Variants in KIF6 observed in about 807,000 individuals in gnomAD.
The protein encoded by KIF6 is kinesin family member 6, also known as kinesin-like protein KIF6.
A neutral mutation model predicts 112.7 loss-of-function variants in KIF6; 106 were observed. That is an observed-to-expected ratio of 0.94 (90% CI 0.80 to 1.11). KIF6 has a LOEUF of 1.11. KIF6 is among the 50% of genes least tolerant of loss of function. The pLI is 0.00. For missense variants in KIF6, 929 were observed against 964.0 expected, an observed-to-expected ratio of 0.96 and a Z score of 0.48; for synonymous variants, 339 against 339.9, an observed-to-expected ratio of 1.00 and a Z score of 0.03.
chr6:39,621,782 A>G (rs1305206832), intron 5 of KIF6, among the ~76,000 whole-genome samples: 2 of 152,194 alleles, frequency 1.3e-5, no homozygotes, highest in African/African-American at 4.8e-5. Flanking sequence ...TATTATTTTA[A>G]TAACACTGAA....
rs1780508994 is a variant in KIF6, at chr6:39,569,186, A to G, written c.1181+8870T>C. ...CCACTTTGGAGGCCAGTGACAATAAACTGAATATAAAAAGGATAAAGCACT... is the reference window on the plus strand; with the variant it reads ...CCACTTTGGAGGCCAGTGACAATAAGCTGAATATAAAAAGGATAAAGCACT... On this transcript the variant is annotated intron_variant, in intron 10 of 22. Coordinates refer to ENST00000287152, the MANE Select transcript of KIF6 (RefSeq NM_145027.6). Among the ~76,000 whole-genome samples, 3 of 152,192 alleles carry G rather than the reference A, an allele frequency of 2.0e-5. No individual in the cohort carries two copies. The South Asian group carries it at 6.2e-4, about 31-fold the overall frequency.
intron 3 of KIF6, among the ~76,000 whole-genome samples, chr6:39,697,898 G>A (rs1245673725): frequency 6.6e-6 from 1 of 152,096 alleles, no homozygotes; most frequent in Non-Finnish European, 1.5e-5. Flanking sequence ...GCATATTAAG[G>A]ATAAAACAGA....
At chr6:39,687,900 C>A (rs1787967585) in intron 3 of KIF6, among the ~76,000 whole-genome samples, 1 of 151,984 alleles carries the variant, frequency 6.6e-6, no homozygotes, top group African/African-American at 2.4e-5. Flanking sequence ...CAACAAGGAC[C>A]CCAATAGGAA....
chr6:39,486,386 G>A (rs1287189226), intron 13 of KIF6, among the ~76,000 whole-genome samples: 1 of 152,118 alleles, frequency 6.6e-6, no homozygotes, highest in African/African-American at 2.4e-5. Context: ...CCGTCATGTG[G>A]ATGGGCCATC....
At chr6:39,483,253 C>T (rs1774913884) in intron 13 of KIF6, among the ~76,000 whole-genome samples, 1 of 152,120 alleles carries the variant, frequency 6.6e-6, no homozygotes, top group South Asian at 2.1e-4. Flanking sequence ...AAGTAGGGCA[C>T]TATTTGTTAT....
chr6:39,497,743 T>C (rs536231258), intron 13 of KIF6, among the ~76,000 whole-genome samples: 1 of 152,312 alleles, frequency 6.6e-6, no homozygotes, highest in African/African-American at 2.4e-5. Context: ...CACGAAGTAC[T>C]CAAGCTTCCT....
At chr6:39,361,043 C>T (rs1388366686) in intron 17 of KIF6, among the ~76,000 whole-genome samples, 4 of 152,176 alleles carry the variant, frequency 2.6e-5, no homozygotes, top group African/African-American at 4.8e-5. Context: ...TTAACTGCCT[C>T]ACCATTCCGC....
chr6:39,645,293 G>A (rs1785103323), intron 3 of KIF6, among the ~76,000 whole-genome samples: 1 of 151,988 alleles, frequency 6.6e-6, no homozygotes, highest in East Asian at 1.9e-4. Context: ...ATAAACTGAA[G>A]TGTCACTCCA....
chr6:39,411,993 C>T (rs1769511922), intron 15 of KIF6, among the ~76,000 whole-genome samples: 1 of 152,192 alleles, frequency 6.6e-6, no homozygotes, highest in African/African-American at 2.4e-5. Flanking sequence ...TTCCTCTGTT[C>T]TCCTAGCCAG....
chr6:39,723,656 A>C (rs550672564), intron 1 of KIF6, among the ~76,000 whole-genome samples: 3 of 152,344 alleles, frequency 2.0e-5, no homozygotes, highest in African/African-American at 7.2e-5. Context: ...AGAAAGCCAA[A>C]CACCACATGT....
intron 3 of KIF6, among the ~76,000 whole-genome samples, chr6:39,640,246 C>T (rs1784835514): frequency 6.6e-6 from 1 of 151,960 alleles, no homozygotes; most frequent in African/African-American, 2.4e-5. Context: ...TCTAGGAATT[C>T]CCCTCTTCTC....
intron 10 of KIF6, among the ~76,000 whole-genome samples, chr6:39,557,118 A>C (rs115060100): frequency 1.1e-3 from 174 of 152,202 alleles, no homozygotes; most frequent in African/African-American, 4.2e-3. Flanking sequence ...AAATTAACGG[A>C]AAACTTGTAA....
chr6:39,718,735 T>C (rs1367019306), intron 2 of KIF6, among the ~76,000 whole-genome samples: 3 of 136,790 alleles, frequency 2.2e-5, no homozygotes, highest in Admixed American at 1.5e-4. Context: ...GAACCTGTCT[T>C]AGAAAAAAAA....
intron 22 of KIF6, among the ~76,000 whole-genome samples, chr6:39,341,402 G>C (rs1763320338): frequency 6.6e-6 from 1 of 152,050 alleles, no homozygotes; most frequent in Admixed American, 6.6e-5. Context: ...TTCGCACCCT[G>C]GCAGTGCCTT....
At chr6:39,465,600 C>T (rs1181322583) in intron 13 of KIF6, among the ~76,000 whole-genome samples, 1 of 152,190 alleles carries the variant, frequency 6.6e-6, no homozygotes, top group Non-Finnish European at 1.5e-5. Context: ...TTCCTATGCA[C>T]ATCAGAAACA....
intron 13 of KIF6, among the ~76,000 whole-genome samples, chr6:39,526,359 C>CT (rs59106657): frequency 0.046 from 7,001 of 152,188 alleles, 343 homozygotes; most frequent in East Asian, 0.27. Flanking sequence ...GAATGGAATA[C>CT]TTTTTTGCAG....
intron 15 of KIF6, among the ~76,000 whole-genome samples, chr6:39,386,846 A>G (rs1767471297): frequency 6.6e-6 from 1 of 152,200 alleles, no homozygotes; most frequent in Non-Finnish European, 1.5e-5. Flanking sequence ...GGCATGTCCC[A>G]TTTGGGGGAT....
At chr6:39,427,888 C>G (rs1770881880) in intron 14 of KIF6, among the ~76,000 whole-genome samples, 1 of 152,168 alleles carries the variant, frequency 6.6e-6, no homozygotes, top group South Asian at 2.1e-4. Context: ...GACCCAAATC[C>G]CTGCTGAAAA....
chr6:39,540,146 C>A lies in KIF6; in HGVS notation c.1502G>T (p.Arg501Leu). ...TGGGCTCTGGGACTGTCTGAATTCA[C>A]GTCTATCCATGCCAGCCAAGTGGAG... Reference protein sequence around the residue: ...EALHLAGMDRREFRQSQSPPF... With the variant: ...EALHLAGMDRLEFRQSQSPPF... Residue 501 changes from arginine (R) to leucine (L), a missense_variant, in exon 13 of 23, where the codon CGT becomes CTT. By Grantham distance (102) the Arg-to-Leu change is moderately radical (BLOSUM62 -2). Around this residue, in one of 2 missense-constraint regions of KIF6, gnomAD observed 688 missense variants for 662.7 expected, o/e 1.04. Transcript: ENST00000287152. The A allele has an allele frequency of 6.2e-7, 1 of 1,614,132 alleles. No individual in the cohort carries two copies. The highest frequency in any genetic ancestry group is 1.3e-5 in the African/African-American group (1 of 75,046).
Sources: gnomAD v4.1 joint callset for allele counts (sites outside exome capture counted in the v4.1 genomes callset) on GRCh38, gnomAD v4.1.1 for gene constraint, gnomAD v4.1.1 regional missense constraint, MANE v1.5 for transcripts, NCBI Gene and HGNC (gene_info 2026-07-23, HGNC 2026-07-21) for gene names.